The following MYO16 variants were observed in gnomAD, a reference collection of about 807,000 sequenced individuals.
MYO16 encodes the protein myosin XVI.
A neutral mutation model predicts 205.3 loss-of-function variants in MYO16; 94 were observed. That is an observed-to-expected ratio of 0.46 (90% confidence interval 0.39 to 0.54). MYO16 has a LOEUF of 0.54. MYO16 is among the 20% of genes least tolerant of loss of function. The pLI, the probability that MYO16 is intolerant of heterozygous loss-of-function variation, is 0.00. For synonymous variants in MYO16, 988 were observed against 954.0 expected, an observed-to-expected ratio of 1.04 and a Z score of -0.66; for missense variants, 2,315 against 2,387.5, an observed-to-expected ratio of 0.97 and a Z score of 0.63.
chr13:108,926,019 G>A (rs1195390629), intron 16 of MYO16, among the ~76,000 whole-genome samples: 2 of 152,202 alleles, frequency 1.3e-5, no homozygotes, highest in Non-Finnish European at 1.5e-5. Flanking sequence ...TGCCACTGCA[G>A]CCACCTTGTT....
At chr13:108,609,184 C>T (rs1263620264) in intron 1 of MYO16, among the ~76,000 whole-genome samples, 1 of 152,154 alleles carries the variant, frequency 6.6e-6, no homozygotes, top group Non-Finnish European at 1.5e-5. Flanking sequence ...CCTCATTCTT[C>T]TCATGGCCTT....
upstream of MYO16, among the ~76,000 whole-genome samples, chr13:108,595,959 A>G (rs544613002): frequency 7.0e-6 from 1 of 142,260 alleles, no homozygotes; most frequent in East Asian, 2.1e-4. Flanking sequence ...CCAGCTCTCC[A>G]GTCATAAAAG....
chr13:108,973,633 G>T lies in MYO16; in HGVS notation c.2369+8731G>T, dbSNP rs984353948. 1.2e-4 allele frequency among the ~76,000 whole-genome samples: 18 copies of T among 152,028 alleles called. No homozygotes were observed. The East Asian group carries it at 3.1e-3, about 26-fold the overall frequency. On this transcript the variant is annotated intron_variant, in intron 20 of 34. Transcript: ENST00000457511. ...TGACAGTGAATCACAGCTTCCTAGG[G>T]TCTCAAAACTAGTGACTCCACTCAG...
the MYO16 span, among the ~76,000 whole-genome samples, chr13:108,510,427 T>TTTTTTTTTTTTTTTTA: frequency 7.2e-6 from 1 of 138,040 alleles, no homozygotes. Flanking sequence ...GATAGTTAAT[T>TTTTTTTTTTTTTTTTA]TTTTTTTTTT....
chr13:108,805,552 T>G (rs1036062217), intron 6 of MYO16, among the ~76,000 whole-genome samples: 17 of 150,758 alleles, frequency 1.1e-4, no homozygotes, highest in South Asian at 4.2e-4. Context: ...ACTTTTAAGG[T>G]TTTTTTTTCT....
chr13:109,059,959 T>C (rs1246892062), intron 27 of MYO16, among the ~76,000 whole-genome samples: 2 of 152,118 alleles, frequency 1.3e-5, no homozygotes, highest in Non-Finnish European at 2.9e-5. Flanking sequence ...TCAGTTAGAA[T>C]GGTGATCATT....
intron 34 of MYO16, among the ~76,000 whole-genome samples, chr13:109,195,670 A>T (rs1880124460): frequency 1.3e-5 from 2 of 152,192 alleles, no homozygotes; most frequent in Admixed American, 1.3e-4. Context: ...CATAAATGTC[A>T]GTAAATGCCT....
the MYO16 span, among the ~76,000 whole-genome samples, chr13:108,575,591 C>T: frequency 6.6e-6 from 1 of 152,152 alleles, no homozygotes; most frequent in Non-Finnish European, 1.5e-5. Flanking sequence ...TAGCGGATTT[C>T]CCCTAATAAA....
chr13:108,736,020 G>A (rs964399315), intron 4 of MYO16, among the ~76,000 whole-genome samples: 3 of 152,062 alleles, frequency 2.0e-5, no homozygotes, highest in Admixed American at 2.0e-4. Context: ...ATTTGTTTGA[G>A]TTCTTTGTAG....
intron 2 of MYO16, among the ~76,000 whole-genome samples, chr13:108,710,881 ATTAG>A (rs1883692878): frequency 6.6e-6 from 1 of 152,234 alleles, no homozygotes; most frequent in Admixed American, 6.5e-5. Context: ...AAAAGTCAAT[ATTAG>A]TTAATTCATG....
intron 23 of MYO16, among the ~76,000 whole-genome samples, chr13:109,027,290 C>T (rs531254189): frequency 7.2e-5 from 11 of 152,226 alleles, no homozygotes; most frequent in African/African-American, 1.7e-4. Flanking sequence ...TTAATCCAGC[C>T]GGACCGCATC....
At chr13:109,100,099 A>G (rs1021914757) in intron 27 of MYO16, among the ~76,000 whole-genome samples, 1 of 152,122 alleles carries the variant, frequency 6.6e-6, no homozygotes. Context: ...CCTGTATCTC[A>G]GGTTAACCAC....
rs200941316 is a variant in MYO16 at position 109,117,043 on chromosome 13, AC to A, written c.3439-3326del. 1.8e-3 allele frequency among the ~76,000 whole-genome samples: 267 copies of A among 152,094 alleles called. 3 individuals carry two copies. Among genetic ancestry groups the A allele is most frequent in the African/African-American group, 6.3e-3 (262 of 41,502 alleles). ...TTGGAGATCTGAAGTCACAATACAAACTGGTAGGCCAGTTTCACCCCATGTT... is the reference window on the plus strand; with the variant it reads ...TTGGAGATCTGAAGTCACAATACAAATGGTAGGCCAGTTTCACCCCATGTT... On this transcript the variant is annotated intron_variant, in intron 28 of 34. Coordinates refer to ENST00000457511, the MANE Select transcript of MYO16 (RefSeq NM_001198950.3).
chr13:108,588,180 C>A, the MYO16 span, among the ~76,000 whole-genome samples: 2 of 152,104 alleles, frequency 1.3e-5, no homozygotes, highest in African/African-American at 4.8e-5. Context: ...TGTGTGTGCC[C>A]TCTACTTGTC....
intron 4 of MYO16, among the ~76,000 whole-genome samples, chr13:108,752,871 T>C (rs1885286381): frequency 7.0e-6 from 1 of 142,516 alleles, no homozygotes; most frequent in South Asian, 2.3e-4. Flanking sequence ...AAAACCATGT[T>C]GGTCAGGCTG....
intron 15 of MYO16, among the ~76,000 whole-genome samples, chr13:108,908,980 AT>A (rs67555273): frequency 6.6e-4 from 98 of 147,586 alleles, no homozygotes; most frequent in South Asian, 3.8e-3. Flanking sequence ...CTCAAAAAAA[AT>A]AAAATAAAAT....
chr13:109,077,008 T>TTTTTG (rs35770594), intron 27 of MYO16, among the ~76,000 whole-genome samples: 4 of 143,420 alleles, frequency 2.8e-5, no homozygotes, highest in East Asian at 2.0e-4. Context: ...TTTTTTTTTT[T>TTTTTG]GGAGATGGAG....
At chr13:108,531,153 G>A in the MYO16 span, among the ~76,000 whole-genome samples, 1 of 152,192 alleles carries the variant, frequency 6.6e-6, no homozygotes, top group African/African-American at 2.4e-5. Flanking sequence ...ATTCACAGTG[G>A]AGAAGATAGT....
At chr13:108,605,130 T>C (rs7993316) in intron 1 of MYO16, among the ~76,000 whole-genome samples, 8,663 of 152,268 alleles carry the variant, frequency 0.057, 329 homozygotes, top group Admixed American at 0.11. Flanking sequence ...ATCACAGTTA[T>C]ATGCTTGTTC....
Sources: gnomAD v4.1 joint callset for allele counts (sites outside exome capture counted in the v4.1 genomes callset) on GRCh38, gnomAD v4.1.1 for gene constraint, MANE v1.5 for transcripts, NCBI Gene and HGNC (gene_info 2026-07-23, HGNC 2026-07-21) for gene names.